Variants in GRK1 observed in about 807,000 individuals in gnomAD.
The protein encoded by GRK1 is rhodopsin kinase GRK1.
GRK1 carries 28 observed loss-of-function variants against 41.7 expected under a neutral mutation model. That is an observed-to-expected ratio of 0.67 (90% CI 0.50 to 0.92). GRK1 has a LOEUF of 0.92. Ranked by LOEUF, GRK1 falls within the 40% of genes least tolerant of loss-of-function variation. GRK1 has a pLI of 0.00. For missense variants in GRK1, 703 were observed against 671.2 expected (o/e 1.05, Z -0.52); for synonymous variants, 327 against 286.7 (o/e 1.14, Z -1.42).
chr13:113,733,521 ATGTGTGCGCG>A (rs1429624300), intron 6 of GRK1, among the ~76,000 whole-genome samples: 3 of 144,492 alleles, frequency 2.1e-5, no homozygotes, highest in Non-Finnish European at 3.1e-5. Context: ...GTGTGTGTGC[ATGTGTGCGCG>A]TGTGTGCATG....
chr13:113,733,656 TGTGTGC>T (rs1359490244), intron 6 of GRK1, among the ~76,000 whole-genome samples: 1 of 98,654 alleles, frequency 1.0e-5, no homozygotes, highest in African/African-American at 5.6e-5. Flanking sequence ...TGCATACGTG[TGTGTGC>T]GTGTGTGCAC....
In GRK1 at chr13:113,671,747, T is replaced by C. The variant is rs2049859613; in HGVS notation, c.985+91T>C. 1.4e-6 allele frequency: 1 copy of C among 691,432 alleles called. No homozygotes were observed. Among genetic ancestry groups the C allele is most frequent in the Admixed American group, 2.0e-5 (1 of 49,672 alleles). 42.8% of individuals were successfully genotyped at this position (691,432 alleles called of 1,614,324 possible). A position where few individuals can be genotyped will look rare whatever the true frequency, so the allele number is the denominator to read the frequency against. On this transcript the variant is annotated intron_variant, in intron 3 of 6. Transcript: ENST00000335678. This position sits in a 1 kb window ranked among gnomAD's most constrained non-coding sequence, Gnocchi z 4.1. ...GGTCTCTGCACAACCTCACGAGGGCTGACGGCTGTGTGGACGGTGGGGGTT... is the reference window on the plus strand; with the variant it reads ...GGTCTCTGCACAACCTCACGAGGGCCGACGGCTGTGTGGACGGTGGGGGTT...
the GRK1 span, among the ~76,000 whole-genome samples, chr13:113,658,618 C>T: frequency 1.3e-4 from 20 of 152,180 alleles, no homozygotes; most frequent in Non-Finnish European, 2.2e-4. Context: ...GAGGGGCGAC[C>T]GGCTCCCTGG....
At chr13:113,727,641 G>A (rs2049898319) in intron 4 of GRK1, among the ~76,000 whole-genome samples, 1 of 145,228 alleles carries the variant, frequency 6.9e-6, no homozygotes, top group African/African-American at 2.6e-5. Context: ...GCGATGAGGA[G>A]TACCCATGGC....
intron 6 of GRK1, among the ~76,000 whole-genome samples, chr13:113,734,137 G>A (rs909072779): frequency 2.0e-5 from 3 of 152,178 alleles, no homozygotes; most frequent in Non-Finnish European, 2.9e-5. Flanking sequence ...GGACCCTGTG[G>A]TCAGGTGGAA....
chr13:113,662,957 T>C (rs1327795259), upstream of GRK1, among the ~76,000 whole-genome samples: 1 of 152,206 alleles, frequency 6.6e-6, no homozygotes, highest in Admixed American at 6.5e-5. Context: ...AAAATTTATA[T>C]AGAAAAGCAA....
chr13:113,651,743 T>G, the GRK1 span: 4 of 1,613,060 alleles, frequency 2.5e-6, no homozygotes, highest in Non-Finnish European at 2.5e-6. Context: ...AGGGAAAAGC[T>G]TGAGCGTGGC....
intron 4 of GRK1, among the ~76,000 whole-genome samples, chr13:113,723,768 GTC>G (rs1481249117): frequency 3.3e-5 from 5 of 151,872 alleles, no homozygotes; most frequent in Non-Finnish European, 5.9e-5. Flanking sequence ...GCATGCCTGT[GTC>G]TCTGTGCACA....
At chr13:113,667,172 G>A (rs1468485352), upstream of GRK1, 2 of 537,102 alleles carry the variant, frequency 3.7e-6, no homozygotes, top group African/African-American at 3.8e-5. This position sits in a 1 kb window ranked among gnomAD's most constrained non-coding sequence, Gnocchi z 7.5. Context: ...ACCCCGGCTG[G>A]GATTTAGCCT....
chr13:113,652,561 C>G, the GRK1 span: 1 of 442,168 alleles, frequency 2.3e-6, no homozygotes, highest in Non-Finnish European at 4.2e-6. Context: ...ACTTGAGGCC[C>G]CTTTACCTGG....
Position 113,667,910 on chromosome 13 carries a change from T to TGGAA in GRK1, c.525_526insGAAG (p.Gln176GlufsTer84). 1 of 1,606,674 alleles carries TGGAA rather than the reference T, an allele frequency of 6.2e-7. No homozygotes were observed. The highest frequency in any genetic ancestry group is 1.1e-5 in the South Asian group (1 of 89,952). ...GGCAGCCTGTACTTCCTGAGGTTCC[T>TGGAA]GCAGTGGAAGTGGCTGGAAGCCCAG... is the stretch of plus-strand genomic sequence containing the variant. On this transcript the variant is annotated frameshift_variant, in exon 1 of 7. Transcript: ENST00000335678. LOFTEE classifies it high-confidence loss of function. This position sits in a 1 kb window ranked among gnomAD's most constrained non-coding sequence, Gnocchi z 7.5.
chr13:113,731,083 T>C lies in GRK1; in HGVS notation c.1070-136T>C. 1 of 1,293,394 alleles carries C rather than the reference T, an allele frequency of 7.7e-7. No individual in the cohort carries two copies. The allele number at this position is 1,293,394 out of a possible 1,614,324, so 80.1% of individuals were successfully genotyped here. A position where few individuals can be genotyped will look rare whatever the true frequency, so the allele number is the denominator to read the frequency against. On this transcript the variant is annotated intron_variant, in intron 4 of 6. Coordinates refer to ENST00000335678, the MANE Select transcript of GRK1 (RefSeq NM_002929.3). This position sits in a 1 kb window ranked among gnomAD's most constrained non-coding sequence, Gnocchi z 5.6. ...CACAGGGCAGCCCCTCCACAAAGGA[T>C]TTTCTGGCCCCAAATGTGGAGAGTG...
chr13:113,649,437 G>C, the GRK1 span: 3 of 1,582,988 alleles, frequency 1.9e-6, no homozygotes, highest in Admixed American at 5.3e-5. This position sits in a 1 kb window ranked among gnomAD's most constrained non-coding sequence, Gnocchi z 4.7. Flanking sequence ...GATTGTTGAA[G>C]GTCACGTGCT....
chr13:113,668,120 G>T (rs1488075395), intron 1 of GRK1, 35 bp downstream of exon 1: 1 of 1,572,666 alleles, frequency 6.4e-7, no homozygotes, highest in African/African-American at 1.3e-5. Context: ...GGGATGGGGT[G>T]GCAGGGTGCA....
At chr13:113,723,658 T>C (rs1247096649) in intron 4 of GRK1, among the ~76,000 whole-genome samples, 1 of 152,126 alleles carries the variant, frequency 6.6e-6, no homozygotes, top group East Asian at 1.9e-4. Context: ...GGACTTTGAA[T>C]ACAATGGGAG....
chr13:113,650,295 G>A, the GRK1 span: 31 of 1,064,202 alleles, frequency 2.9e-5, no homozygotes, highest in Non-Finnish European at 4.0e-5. The surrounding 1 kb of genome is among the most constrained non-coding windows in gnomAD (Gnocchi z 5.0). Context: ...GACCGGCTAA[G>A]TCACACCTTT....
In GRK1 at chr13:113,733,458, G is replaced by C. The variant is rs145328015; in HGVS notation, c.1396+373G>C. Among the ~76,000 whole-genome samples, 1,232 of 148,972 alleles carry C rather than the reference G, an allele frequency of 8.3e-3. 13 individuals are homozygous for C. The highest frequency in any genetic ancestry group is 0.029 in the African/African-American group (1,193 of 40,642). ...GTCATCCACCCACCAGCACTTGCTT[G>C]ACAAGTGGATGCGGAAGATACTATG... On this transcript the variant is annotated intron_variant, in intron 6 of 6. Transcript: ENST00000335678.
At chr13:113,652,802 G>T in the GRK1 span, 1 of 1,540,352 alleles carries the variant, frequency 6.5e-7, no homozygotes, top group Non-Finnish European at 8.9e-7. Context: ...TGTGCTCCTC[G>T]TGGTGGGTGT....
At chr13:113,666,457 CCCCAGGTGTGTCCCAGCTGT>C (rs1298003830), upstream of GRK1, among the ~76,000 whole-genome samples, 1 of 149,972 alleles carries the variant, frequency 6.7e-6, no homozygotes, top group African/African-American at 2.5e-5. Context: ...CCCAGGTGTT[CCCCAGGTGTGTCCCAGCTGT>C]CCCAGGTGTG....
Sources: allele counts gnomAD v4.1 joint callset (sites outside exome capture counted in the v4.1 genomes callset), GRCh38; gene constraint gnomAD v4.1.1; non-coding constraint Gnocchi (gnomAD v3.1); transcripts MANE v1.5; gene names NCBI Gene and HGNC (gene_info 2026-07-23, HGNC 2026-07-21).